The following ARL8A variants were observed in gnomAD, a reference collection of about 807,000 sequenced individuals.
ARL8A encodes ARF like GTPase 8A.
In ARL8A, 10 loss-of-function variants were observed where a neutral mutation model predicts 31.2. That is an observed-to-expected ratio of 0.32 (90% CI 0.20 to 0.54). The LOEUF (loss-of-function observed/expected upper bound fraction) is 0.54, where lower values mean the gene tolerates loss of function less well. Ranked by LOEUF, ARL8A falls within the 20% of genes least tolerant of loss-of-function variation. The pLI, the probability that ARL8A is intolerant of heterozygous loss-of-function variation, is 0.93. For synonymous variants in ARL8A, 70 were observed against 86.9 expected (o/e 0.81, Z 1.08); for missense variants, 129 against 242.8 (o/e 0.53, Z 3.12).
chr1:202,143,881 G>A (rs1010883414), intron 1 of ARL8A, among the ~76,000 whole-genome samples: 7 of 152,218 alleles, frequency 4.6e-5, no homozygotes, highest in Admixed American at 4.6e-4. Context: ...GTCTGGGCTT[G>A]AGCCAAGGGC....
chr1:202,137,973 G>A lies in ARL8A; in HGVS notation c.270C>T (p.Ser90=), dbSNP rs374398947. The A allele has an allele frequency of 1.5e-4, 241 of 1,613,946 alleles. No individual in the cohort carries two copies. The highest frequency in any genetic ancestry group is 1.7e-4 in the Non-Finnish European group (205 of 1,180,024). Reference sequence around the variant, plus strand: ...GCCTCCCGTGTACTTACACGATGGCGCTCACTCCTCGGCAGTAGCGCTCCC... The same window carrying A: ...GCCTCCCGTGTACTTACACGATGGCACTCACTCCTCGGCAGTAGCGCTCCC... The part of the protein sequence containing the change: ...SMWERYCRGV[S]AIVYMVDAAD... The change falls in exon 3 of 7, where the codon AGC becomes AGT. Residue 90 remains serine (S), a synonymous_variant. Transcript: ENST00000272217.
Position 202,134,580 on chromosome 1 carries a change from G to A in ARL8A, c.512-64C>T, listed in dbSNP as rs1654952835. 5 of 1,496,434 alleles carry A rather than the reference G, an allele frequency of 3.3e-6. No individual in the cohort carries two copies. Among genetic ancestry groups the A allele is most frequent in the Non-Finnish European group, 4.7e-6 (5 of 1,073,054 alleles). 92.7% of individuals were successfully genotyped at this position (1,496,434 alleles called of 1,614,324 possible). On this transcript the variant is annotated intron_variant, in intron 6 of 6. Transcript: ENST00000272217. The surrounding 1 kb of genome is among the most constrained non-coding windows in gnomAD (Gnocchi z 4.2). ...GTACTGGCCGTGCTGGGGCAGCAGA[G>A]AGGCCCAAGAAACCAAACCTAAGGG...
At chr1:202,137,787 G>A (rs868762980) in intron 3 of ARL8A, among the ~76,000 whole-genome samples, 178 bp downstream of exon 3, 2 of 152,250 alleles carry the variant, frequency 1.3e-5, no homozygotes, top group Middle Eastern at 3.4e-3. Context: ...GAGTGCCCAG[G>A]GCATTTATCC....
chr1:202,135,800 C>T lies in ARL8A; in HGVS notation c.279G>A (p.Val93=). 1 of 1,613,650 alleles carries T rather than the reference C, an allele frequency of 6.2e-7. No individual in the cohort carries two copies. The highest frequency in any genetic ancestry group is 8.5e-7 in the Non-Finnish European group (1 of 1,179,590). The part of the protein sequence containing the change: ...ERYCRGVSAI[V]YMVDAADQEK... ...CCTGGTCAGCAGCATCCACCATGTA[C>T]CTGGGGAAAGAGGCAGGGTGGGGAC... The change falls in exon 4 of 7, where the codon GTG becomes GTA. Residue 93 remains valine (V), a splice_region_variant and synonymous_variant. Transcript: ENST00000272217. The surrounding 1 kb of genome is among the most constrained non-coding windows in gnomAD (Gnocchi z 5.3).
chr1:202,135,344 G>A lies in ARL8A; in HGVS notation c.440+115C>T. The A allele has an allele frequency of 1.4e-6, 2 of 1,478,174 alleles. No homozygotes were observed. Among genetic ancestry groups the A allele is most frequent in the Non-Finnish European group, 1.9e-6 (2 of 1,057,788 alleles). The allele number at this position is 1,478,174 out of a possible 1,614,324, so 91.6% of individuals were successfully genotyped here. ...AGGGGAGGGTGAGGTGCCTGAAAAG[G>A]TCGGCTCTGCTGCCACCGTGTGGCT... On this transcript the variant is annotated intron_variant, in intron 5 of 6. Transcript: ENST00000272217. This position sits in a 1 kb window ranked among gnomAD's most constrained non-coding sequence, Gnocchi z 5.3.
chr1:202,136,122 A>G (rs991518712), intron 3 of ARL8A, among the ~76,000 whole-genome samples: 1 of 152,204 alleles, frequency 6.6e-6, no homozygotes, highest in Non-Finnish European at 1.5e-5. Context: ...TTATGTTTTC[A>G]TGGAAAGACT....
In ARL8A at chr1:202,134,531, G is replaced by T. The variant is rs1654951545; in HGVS notation, c.512-15C>A. The T allele has an allele frequency of 1.2e-6, 2 of 1,611,178 alleles. No homozygotes were observed. The highest frequency in any genetic ancestry group is 2.7e-5 in the African/African-American group (2 of 74,832). On this transcript the variant is annotated splice_polypyrimidine_tract_variant and intron_variant, in intron 6 of 6. Transcript: ENST00000272217. This position sits in a 1 kb window ranked among gnomAD's most constrained non-coding sequence, Gnocchi z 4.2. ...TAGGGTGATGTCTGATAGGAGAAAA[G>T]AGAACAGCTTATAAGGCCTGCAAGT...
In ARL8A at chr1:202,137,350, G is replaced by A. The variant is rs115083842; in HGVS notation, c.278+615C>T. 2.1e-3 allele frequency among the ~76,000 whole-genome samples: 319 copies of A among 152,260 alleles called. 2 individuals carry two copies. The highest frequency in any genetic ancestry group is 7.4e-3 in the African/African-American group (309 of 41,550). ...AAAAAACATTATTTTTAAAAAGCAA[G>A]AGAGGGCTGCGCGCGGTGGCTCATG... On this transcript the variant is annotated intron_variant, in intron 3 of 6. Transcript: ENST00000272217.
intron 1 of ARL8A, among the ~76,000 whole-genome samples, chr1:202,141,671 G>T (rs1339696714): frequency 2.0e-5 from 3 of 149,272 alleles, no homozygotes; most frequent in Admixed American, 2.0e-4. Context: ...AGAAAAAAAA[G>T]AAAAAAAAAT....
Position 202,144,412 on chromosome 1 carries a change from G to GCCCGCGCCCGGGGAC in ARL8A, c.123+23_123+37dup. 7.6e-7 allele frequency: 1 copy of GCCCGCGCCCGGGGAC among 1,322,858 alleles called. No homozygotes were observed. The highest frequency in any genetic ancestry group is 9.9e-7 in the Non-Finnish European group (1 of 1,008,320). The allele number at this position is 1,322,858 out of a possible 1,614,324, so 81.9% of individuals were successfully genotyped here. The stretch of plus-strand genomic sequence containing the variant: ...CGGGCGGGGACAGGCCCGACCCGCG[G>GCCCGCGCCCGGGGAC]CCCGCGCCCGGGGACCCCGCGCCCG... On this transcript the variant is annotated intron_variant, in intron 1 of 6. Coordinates refer to ENST00000272217, the MANE Select transcript of ARL8A (RefSeq NM_138795.4). The surrounding 1 kb of genome is among the most constrained non-coding windows in gnomAD (Gnocchi z 5.2).
chr1:202,144,328 C>T lies in ARL8A; in HGVS notation c.123+122G>A. 1 of 693,904 alleles carries T rather than the reference C, an allele frequency of 1.4e-6. No homozygotes were observed. The highest frequency in any genetic ancestry group is 1.8e-6 in the Non-Finnish European group (1 of 562,606). The allele number at this position is 693,904 out of a possible 1,614,324, so 43.0% of individuals were successfully genotyped here. ...GCTCGGGGCCGGCTCCTCCCCCGCCCGGCGCCCGGCCGTGCCCGGCTATGC... is the reference window on the plus strand; with the variant it reads ...GCTCGGGGCCGGCTCCTCCCCCGCCTGGCGCCCGGCCGTGCCCGGCTATGC... On this transcript the variant is annotated intron_variant, in intron 1 of 6. Coordinates refer to ENST00000272217, the MANE Select transcript of ARL8A (RefSeq NM_138795.4). This position sits in a 1 kb window ranked among gnomAD's most constrained non-coding sequence, Gnocchi z 5.2.
rs762884352 is a variant in ARL8A at position 202,138,335 on chromosome 1, T to A, written c.204+33A>T. 2 of 1,565,860 alleles carry A rather than the reference T, an allele frequency of 1.3e-6. No homozygotes were observed. Among genetic ancestry groups the A allele is most frequent in the African/African-American group, 1.5e-5 (1 of 67,254 alleles). On this transcript the variant is annotated intron_variant, in intron 2 of 6. Transcript: ENST00000272217. The surrounding 1 kb of genome is among the most constrained non-coding windows in gnomAD (Gnocchi z 4.4). ...CACACACACACACACACAAAAACAG[T>A]CCTCTGCACCCCCCAAGCTTCTGGG... is the stretch of plus-strand genomic sequence containing the variant.
rs1260485979 is a variant in ARL8A, at chr1:202,134,322, A to C, written c.*145T>G. The stretch of plus-strand genomic sequence containing the variant: ...TAAAAACAGGAGTTCAAACCTCAGC[A>C]GAACAGGACTCTGGGGTCCCCAGAG... On this transcript the variant is annotated 3_prime_UTR_variant, in exon 7 of 7. Coordinates refer to ENST00000272217, the MANE Select transcript of ARL8A (RefSeq NM_138795.4). This position sits in a 1 kb window ranked among gnomAD's most constrained non-coding sequence, Gnocchi z 4.2. The C allele has an allele frequency of 2.8e-6, 2 of 715,116 alleles. No individual in the cohort carries two copies. Among genetic ancestry groups the C allele is most frequent in the Non-Finnish European group, 4.8e-6 (2 of 413,632 alleles). The allele number at this position is 715,116 out of a possible 1,614,324, so 44.3% of individuals were successfully genotyped here.
Position 202,144,415 on chromosome 1 carries a change from C to T in ARL8A, c.123+35G>A, listed in dbSNP as rs770587675. On this transcript the variant is annotated intron_variant, in intron 1 of 6. Transcript: ENST00000272217. The surrounding 1 kb of genome is among the most constrained non-coding windows in gnomAD (Gnocchi z 5.2). ...GCGGGGACAGGCCCGACCCGCGGCC[C>T]GCGCCCGGGGACCCCGCGCCCGACG... 7.5e-7 allele frequency: 1 copy of T among 1,334,596 alleles called. No individual in the cohort carries two copies. Among genetic ancestry groups the T allele is most frequent in the Non-Finnish European group, 9.9e-7 (1 of 1,014,622 alleles). 82.7% of individuals were successfully genotyped at this position (1,334,596 alleles called of 1,614,324 possible). A position where few individuals can be genotyped will look rare whatever the true frequency, so the allele number is the denominator to read the frequency against.
rs763017521 is a variant in ARL8A at position 202,134,133 on chromosome 1, G to A, written c.*334C>T. On this transcript the variant is annotated 3_prime_UTR_variant, in exon 7 of 7. Transcript: ENST00000272217. This position sits in a 1 kb window ranked among gnomAD's most constrained non-coding sequence, Gnocchi z 4.2. ...ATACTGTACACACAGGACAATAACA[G>A]AGAGTGTTGAAAAGGGAGGTACAAG... 3.3e-5 allele frequency: 12 copies of A among 360,982 alleles called. No homozygotes were observed. The highest frequency in any genetic ancestry group is 6.3e-5 in the Non-Finnish European group (12 of 190,380). 22.4% of individuals were successfully genotyped at this position (360,982 alleles called of 1,614,324 possible).
At position 202,138,225 on chromosome 1, in the gene ARL8A, T is replaced by TCA; in HGVS notation, c.204+141_204+142dup. On this transcript the variant is annotated intron_variant, in intron 2 of 6. Transcript: ENST00000272217. The surrounding 1 kb of genome is among the most constrained non-coding windows in gnomAD (Gnocchi z 4.4). ...TCTTCTACTGTCTTTTCCCAGCTCC[T>TCA]CAGCAGGGGGACCCTGGCCTCTGCC... is the stretch of plus-strand genomic sequence containing the variant. 1 of 1,165,198 alleles carries TCA rather than the reference T, an allele frequency of 8.6e-7. No homozygotes were observed. The highest frequency in any genetic ancestry group is 1.2e-6 in the Non-Finnish European group (1 of 809,390). The allele number at this position is 1,165,198 out of a possible 1,614,324, so 72.2% of individuals were successfully genotyped here. A position where few individuals can be genotyped will look rare whatever the true frequency, so the allele number is the denominator to read the frequency against.
Position 202,135,346 on chromosome 1 carries a change from C to A in ARL8A, c.440+113G>T, listed in dbSNP as rs1654976334. The A allele has an allele frequency of 3.4e-6, 5 of 1,478,482 alleles. No individual in the cohort carries two copies. The highest frequency in any genetic ancestry group is 4.7e-6 in the Non-Finnish European group (5 of 1,058,418). The allele number at this position is 1,478,482 out of a possible 1,614,324, so 91.6% of individuals were successfully genotyped here. On this transcript the variant is annotated intron_variant, in intron 5 of 6. Coordinates refer to ENST00000272217, the MANE Select transcript of ARL8A (RefSeq NM_138795.4). This position sits in a 1 kb window ranked among gnomAD's most constrained non-coding sequence, Gnocchi z 5.3. ...GGGAGGGTGAGGTGCCTGAAAAGGT[C>A]GGCTCTGCTGCCACCGTGTGGCTAA...
chr1:202,143,116 C>T (rs2147814534), intron 1 of ARL8A, among the ~76,000 whole-genome samples: 1 of 152,316 alleles, frequency 6.6e-6, no homozygotes, highest in South Asian at 2.1e-4. Context: ...GCCTGAAGAT[C>T]CTGCCCTGTC....
chr1:202,144,693 G>A lies in ARL8A; in HGVS notation c.-121C>T. 1 of 1,018,612 alleles carries A rather than the reference G, an allele frequency of 9.8e-7. No individual in the cohort carries two copies. Among genetic ancestry groups the A allele is most frequent in the South Asian group, 4.6e-5 (1 of 21,948 alleles). 63.1% of individuals were successfully genotyped at this position (1,018,612 alleles called of 1,614,324 possible). ...GGTCCCGCGGCTCGGTGCGGGCGGA[G>A]GCTCGAGCGCGGCTGCCGACGACTC... is the stretch of plus-strand genomic sequence containing the variant. On this transcript the variant is annotated 5_prime_UTR_variant, in exon 1 of 7. Transcript: ENST00000272217. The surrounding 1 kb of genome is among the most constrained non-coding windows in gnomAD (Gnocchi z 5.2).
Sources: allele counts gnomAD v4.1 joint callset (sites outside exome capture counted in the v4.1 genomes callset), GRCh38; gene constraint gnomAD v4.1.1; non-coding constraint Gnocchi (gnomAD v3.1); transcripts MANE v1.5; gene names NCBI Gene and HGNC (gene_info 2026-07-23, HGNC 2026-07-21).